CDKN2B-AS1: variants seen among roughly 807,000 people sequenced by gnomAD.
The protein encoded by CDKN2B-AS1 is CDKN2B and CDKN2A antisense cis and trans regulatory RNA 1, also known as CDKN2B antisense RNA 1 (non-protein coding).
Position 22,121,038 on chromosome 9 carries a change from T to A in CDKN2B-AS1, n.439-6065T>A, listed in dbSNP as rs537071058. On this transcript the variant is annotated intron_variant and non_coding_transcript_variant, in intron 4 of 4. Coordinates refer to ENST00000650946, the Ensembl canonical transcript of CDKN2B-AS1. ...CAGTCTAACCTTAGAGTAATGATTT[T>A]AACAACTATGCTATATACATACAAA... The A allele has an allele frequency of 2.6e-5, 4 of 152,278 alleles. No individual in the cohort carries two copies. In the East Asian group the frequency reaches 7.7e-4, roughly 29 times the overall value. 9.4% of individuals were successfully genotyped at this position (152,278 alleles called of 1,614,324 possible).
At chr9:22,096,815 C>T (rs1383971463) in intron 4 of CDKN2B-AS1, among the ~76,000 whole-genome samples, 2 of 152,162 alleles carry the variant, frequency 1.3e-5, no homozygotes, top group African/African-American at 4.8e-5. Context: ...CCCTCCTCCA[C>T]CTGGCCTTCT....
chr9:22,109,924 C>T (rs1239744700), intron 4 of CDKN2B-AS1, among the ~76,000 whole-genome samples: 2 of 152,030 alleles, frequency 1.3e-5, no homozygotes, highest in East Asian at 1.9e-4. Flanking sequence ...CTGATAAACA[C>T]CAACAATAGG....
At chr9:22,046,953 G>A (rs1321068332) in intron 2 of CDKN2B-AS1, 2 of 152,106 alleles carry the variant, frequency 1.3e-5, no homozygotes, top group Non-Finnish European at 2.9e-5. Context: ...CAGAGACCTA[G>A]GATCAAATCC....
At chr9:22,022,222 G>T (rs1393394767) in intron 1 of CDKN2B-AS1, among the ~76,000 whole-genome samples, 1 of 151,822 alleles carries the variant, frequency 6.6e-6, no homozygotes, top group Non-Finnish European at 1.5e-5. Flanking sequence ...TTAATTTTCT[G>T]TCTCGGTGAT....
intron 2 of CDKN2B-AS1, among the ~76,000 whole-genome samples, chr9:22,048,697 C>T (rs1823210781): frequency 1.3e-5 from 2 of 152,082 alleles, no homozygotes; most frequent in South Asian, 2.1e-4. Context: ...AAATTTGTAA[C>T]CAACCTTGGA....
intron 1 of CDKN2B-AS1, among the ~76,000 whole-genome samples, chr9:22,014,262 A>G (rs1821642681): frequency 3.3e-5 from 5 of 152,110 alleles, no homozygotes; most frequent in Admixed American, 6.6e-5. Flanking sequence ...TCCCAGGCTC[A>G]AGTGATCCTC....
intron 4 of CDKN2B-AS1, among the ~76,000 whole-genome samples, chr9:22,067,749 G>A (rs1288412287): frequency 6.6e-6 from 1 of 152,118 alleles, no homozygotes; most frequent in Admixed American, 6.6e-5. Flanking sequence ...TAGAAGCAAA[G>A]AGCCTAAAGT....
intron 1 of CDKN2B-AS1, among the ~76,000 whole-genome samples, chr9:22,011,056 A>G (rs576496840): frequency 5.0e-4 from 76 of 152,322 alleles, no homozygotes; most frequent in African/African-American, 1.7e-3. Flanking sequence ...TGAATGAAAA[A>G]CAACTTTGGG....
intron 1 of CDKN2B-AS1, among the ~76,000 whole-genome samples, chr9:22,017,792 T>A (rs1821835850): frequency 6.8e-6 from 1 of 147,796 alleles, no homozygotes; most frequent in African/African-American, 2.6e-5. Flanking sequence ...TTGAAGATAA[T>A]TTAATGGGCC....
intron 4 of CDKN2B-AS1, chr9:22,119,437 C>T (rs1826043106): frequency 1.3e-5 from 2 of 152,030 alleles, no homozygotes; most frequent in Admixed American, 6.6e-5. Context: ...CTTATGCGCT[C>T]TTGGGGCTAT....
chr9:22,014,607 T>TTTA (rs898318356), intron 1 of CDKN2B-AS1, among the ~76,000 whole-genome samples: 24 of 151,756 alleles, frequency 1.6e-4, no homozygotes, highest in South Asian at 2.1e-4. Flanking sequence ...GAATCTTTCT[T>TTTA]TTATTATTAT....
At chr9:22,011,495 T>C (rs1035084297) in intron 1 of CDKN2B-AS1, among the ~76,000 whole-genome samples, 10 of 152,256 alleles carry the variant, frequency 6.6e-5, no homozygotes, top group Admixed American at 2.0e-4. Context: ...GAGTGACTTG[T>C]ATACTAGCTA....
At chr9:22,102,784 T>A (rs1046481933) in intron 4 of CDKN2B-AS1, among the ~76,000 whole-genome samples, 1 of 152,306 alleles carries the variant, frequency 6.6e-6, no homozygotes, top group African/African-American at 2.4e-5. Flanking sequence ...GCAGGAAAGA[T>A]GTGAAACTAG....
chr9:22,035,736 T>G (rs1342746907), intron 1 of CDKN2B-AS1, among the ~76,000 whole-genome samples: 2 of 152,320 alleles, frequency 1.3e-5, no homozygotes, highest in East Asian at 3.9e-4. Context: ...ACACTGGCTT[T>G]CTTTCTGTGG....
intron 1 of CDKN2B-AS1, chr9:22,030,692 T>G (rs1822432238): frequency 2.0e-5 from 3 of 151,770 alleles, no homozygotes; most frequent in Non-Finnish European, 2.9e-5. Context: ...TTAGTCCTCT[T>G]TAAGATTTAG....
chr9:22,093,770 C>G lies in CDKN2B-AS1; in HGVS notation n.439-33333C>G, dbSNP rs201792607. ...ACACTGATGGGTCTTGACTCTTTATCCAATTTGCCAGTCTGTGTCTTTTAA... is the reference window on the plus strand; with the variant it reads ...ACACTGATGGGTCTTGACTCTTTATGCAATTTGCCAGTCTGTGTCTTTTAA... On this transcript the variant is annotated intron_variant and non_coding_transcript_variant, in intron 4 of 4. Coordinates refer to ENST00000650946, the Ensembl canonical transcript of CDKN2B-AS1. Among the ~76,000 whole-genome samples, 43 of 143,846 alleles carry G rather than the reference C, an allele frequency of 3.0e-4. 2 individuals carry two copies. Among genetic ancestry groups the G allele is most frequent in the Non-Finnish European group, 5.6e-4 (38 of 67,776 alleles). The allele number at this position is 143,846 out of a possible 152,430, so 94.4% of individuals were successfully genotyped here. A position where few individuals can be genotyped will look rare whatever the true frequency, so the allele number is the denominator to read the frequency against.
intron 1 of CDKN2B-AS1, among the ~76,000 whole-genome samples, chr9:22,018,445 G>A (rs1260154546): frequency 2.0e-5 from 3 of 151,986 alleles, no homozygotes; most frequent in African/African-American, 7.3e-5. Flanking sequence ...ATCACCTGAG[G>A]TCAGCAGTTC....
chr9:22,067,661 G>T (rs751922431), intron 4 of CDKN2B-AS1, among the ~76,000 whole-genome samples: 2 of 152,144 alleles, frequency 1.3e-5, no homozygotes, highest in African/African-American at 4.8e-5. Flanking sequence ...GCCTACAGTG[G>T]TTAGCACAGA....
intron 3 of CDKN2B-AS1, chr9:22,056,247 T>TTTTTTTTTTC (rs397743274): frequency 6.0e-5 from 8 of 132,720 alleles, no homozygotes; most frequent in African/African-American, 1.1e-4. Context: ...TTTTTTTTTT[T>TTTTTTTTTTC]CCAGTAGAGA....
Sources: gnomAD v4.1 joint callset for allele counts (sites outside exome capture counted in the v4.1 genomes callset) on GRCh38, gnomAD v4.1.1 for gene constraint, MANE v1.5 for transcripts, NCBI Gene and HGNC (gene_info 2026-07-23, HGNC 2026-07-21) for gene names.